The following ESRRB variants were observed in gnomAD, a reference collection of about 807,000 sequenced individuals.
ESRRB encodes steroid hormone receptor ERR2.
A neutral mutation model predicts 46.0 loss-of-function variants in ESRRB; 16 were observed. That is an observed-to-expected ratio of 0.35 (90% confidence interval 0.24 to 0.53). The LOEUF (loss-of-function observed/expected upper bound fraction) is 0.53, where lower values mean the gene tolerates loss of function less well. Ranked by LOEUF, ESRRB falls within the 20% of genes least tolerant of loss-of-function variation. The probability of loss-of-function intolerance (pLI) is 0.93; values close to 1 mark genes in which losing one functional copy is unlikely to be tolerated. For synonymous variants in ESRRB, 246 were observed against 259.6 expected (o/e 0.95, Z 0.50); for missense variants, 488 against 607.4 (o/e 0.80, Z 2.07).
At chr14:76,314,274 G>C (rs1883771502) in intron 1 of ESRRB, among the ~76,000 whole-genome samples, 1 of 152,190 alleles carries the variant, frequency 6.6e-6, no homozygotes, top group African/African-American at 2.4e-5. Context: ...AAGCTCTGAA[G>C]CTGAAGTCAG....
intron 1 of ESRRB, among the ~76,000 whole-genome samples, chr14:76,403,082 C>T (rs1886011768): frequency 1.3e-5 from 2 of 152,204 alleles, no homozygotes; most frequent in Non-Finnish European, 2.9e-5. Context: ...TAAGCCACCA[C>T]ACCCAGCCAG....
intron 1 of ESRRB, among the ~76,000 whole-genome samples, chr14:76,365,433 C>T (rs1243809081): frequency 6.6e-6 from 1 of 152,222 alleles, no homozygotes; most frequent in Non-Finnish European, 1.5e-5. Context: ...GAGATGTGTT[C>T]ACGCCACTGC....
intron 1 of ESRRB, among the ~76,000 whole-genome samples, chr14:76,390,074 C>T (rs1277675676): frequency 6.6e-6 from 1 of 152,216 alleles, no homozygotes; most frequent in Non-Finnish European, 1.5e-5. Flanking sequence ...TATTACCACA[C>T]CACTGCACTG....
chr14:76,409,949 C>G (rs1253879529), intron 1 of ESRRB, among the ~76,000 whole-genome samples: 1 of 152,120 alleles, frequency 6.6e-6, no homozygotes, highest in Non-Finnish European at 1.5e-5. Flanking sequence ...CCAGGCTGGG[C>G]CTGGTGGCTC....
chr14:76,458,751 T>TC (rs1255352635), intron 2 of ESRRB, among the ~76,000 whole-genome samples: 2 of 151,236 alleles, frequency 1.3e-5, no homozygotes, highest in African/African-American at 4.9e-5. Flanking sequence ...CCCTGTGAGC[T>TC]CCTGGCACAG....
intron 1 of ESRRB, among the ~76,000 whole-genome samples, chr14:76,388,100 T>A (rs1476526926): frequency 6.6e-6 from 1 of 151,942 alleles, no homozygotes; most frequent in Non-Finnish European, 1.5e-5. Context: ...AGAGGCTGTC[T>A]GGGTGTGTGC....
chr14:76,431,499 C>T (rs1334692163), intron 1 of ESRRB, among the ~76,000 whole-genome samples: 1 of 152,102 alleles, frequency 6.6e-6, no homozygotes, highest in Non-Finnish European at 1.5e-5. Flanking sequence ...GCAGGAAGAG[C>T]CCCCCAGCAA....
intron 1 of ESRRB, among the ~76,000 whole-genome samples, chr14:76,336,888 C>T (rs549906118): frequency 2.6e-5 from 4 of 152,012 alleles, no homozygotes; most frequent in South Asian, 2.1e-4. Flanking sequence ...TAGCCAAGAT[C>T]GTGAACACAT....
intron 2 of ESRRB, among the ~76,000 whole-genome samples, chr14:76,461,700 G>A (rs916889468): frequency 3.3e-5 from 5 of 151,900 alleles, no homozygotes; most frequent in African/African-American, 4.8e-5. Context: ...TAGTAGAGAC[G>A]GCATTTCACC....
intron 1 of ESRRB, among the ~76,000 whole-genome samples, chr14:76,364,886 A>G (rs1385330745): frequency 2.0e-5 from 3 of 152,250 alleles, no homozygotes; most frequent in Non-Finnish European, 2.9e-5. Flanking sequence ...TCTCTATACA[A>G]CAAAATTATT....
At chr14:76,493,490 A>C (rs182073785) in intron 6 of ESRRB, among the ~76,000 whole-genome samples, 124 of 152,336 alleles carry the variant, frequency 8.1e-4, no homozygotes, top group African/African-American at 3.0e-3. Flanking sequence ...ATTGACTGAC[A>C]ATAAAGCACT....
chr14:76,398,388 C>G (rs1474597845), intron 1 of ESRRB, among the ~76,000 whole-genome samples: 1 of 152,200 alleles, frequency 6.6e-6, no homozygotes, highest in African/African-American at 2.4e-5. Flanking sequence ...AATAGTTCCC[C>G]CATATTTCAA....
intron 1 of ESRRB, among the ~76,000 whole-genome samples, chr14:76,360,419 C>G (rs967773229): frequency 1.3e-5 from 2 of 151,704 alleles, no homozygotes; most frequent in African/African-American, 4.9e-5. Flanking sequence ...GAGAGAGAGA[C>G]AGAGAGAGAC....
At chr14:76,366,835 A>G (rs1417695496), upstream of ESRRB, among the ~76,000 whole-genome samples, 2 of 152,082 alleles carry the variant, frequency 1.3e-5, no homozygotes, top group African/African-American at 4.8e-5. Context: ...GGGTGGGTGG[A>G]TGGTGCAGGG....
intron 1 of ESRRB, among the ~76,000 whole-genome samples, chr14:76,377,494 TG>T (rs780745402): frequency 6.6e-6 from 1 of 151,946 alleles, no homozygotes; most frequent in Non-Finnish European, 1.5e-5. Context: ...GCGTGCAAAG[TG>T]GTCCCTCGGA....
At chr14:76,463,445 G>GTTTTTTTTTTTGTTTTTGTTTTTTTTT (rs1566599993) in intron 3 of ESRRB, 33 of 114,738 alleles carry the variant, frequency 2.9e-4, no homozygotes, top group South Asian at 5.4e-4. Context: ...ATGCTTCTTT[G>GTTTTTTTTTTTGTTTTTGTTTTTTTTT]TTTTTTTTTT....
rs568994079 is a variant in ESRRB, at chr14:76,395,316, C to T, written c.50+18865C>T. 2.0e-5 allele frequency among the ~76,000 whole-genome samples: 3 copies of T among 152,300 alleles called. No homozygotes were observed. The East Asian group carries it at 5.8e-4, about 29-fold the overall frequency. ...AGTACCTAACTGGCCATCCCTGCTC[C>T]GAGGTCACTTGAGGGTCTGGCAATA... On this transcript the variant is annotated intron_variant, in intron 1 of 6. Transcript: ENST00000644823.
intron 1 of ESRRB, among the ~76,000 whole-genome samples, chr14:76,315,946 T>A (rs1217607819): frequency 6.6e-6 from 1 of 152,152 alleles, no homozygotes; most frequent in African/African-American, 2.4e-5. Context: ...TTTTCTTAAG[T>A]TTCTTGGCCC....
chr14:76,424,107 C>T (rs1352097828), intron 1 of ESRRB, among the ~76,000 whole-genome samples: 2 of 152,186 alleles, frequency 1.3e-5, no homozygotes, highest in African/African-American at 2.4e-5. Flanking sequence ...CAGTTTGCTC[C>T]TCTGCAAAAT....
Sources: allele counts gnomAD v4.1 joint callset (sites outside exome capture counted in the v4.1 genomes callset), GRCh38; gene constraint gnomAD v4.1.1; transcripts MANE v1.5; gene names NCBI Gene and HGNC (gene_info 2026-07-23, HGNC 2026-07-21).